Variants in VPS8 observed in about 807,000 individuals in gnomAD.
VPS8 encodes the protein VPS8 subunit of CORVET complex.
A neutral mutation model predicts 216.4 loss-of-function variants in VPS8; 129 were observed. That is an observed-to-expected ratio of 0.60 (90% confidence interval 0.52 to 0.69). VPS8 has a LOEUF of 0.69. Ranked by LOEUF, VPS8 falls within the 30% of genes least tolerant of loss-of-function variation. The pLI is 0.00. For synonymous variants in VPS8, 571 were observed against 565.4 expected (o/e 1.01, Z -0.14); for missense variants, 1,531 against 1,683.5 (o/e 0.91, Z 1.59).
chr3:185,008,476 A>G (rs1050674928), intron 45 of VPS8, among the ~76,000 whole-genome samples: 4 of 152,230 alleles, frequency 2.6e-5, no homozygotes, highest in Non-Finnish European at 5.9e-5. Flanking sequence ...AACAAGCATT[A>G]TATCAAATAT....
chr3:185,022,915 C>T (rs1756857132), intron 45 of VPS8, among the ~76,000 whole-genome samples: 1 of 151,976 alleles, frequency 6.6e-6, no homozygotes, highest in Non-Finnish European at 1.5e-5. Context: ...TCTTATTTTC[C>T]AATATAACAT....
intron 38 of VPS8, among the ~76,000 whole-genome samples, chr3:184,966,010 C>G (rs1747350483): frequency 6.6e-6 from 1 of 152,174 alleles, no homozygotes; most frequent in South Asian, 2.1e-4. Flanking sequence ...TTCTGTGTTG[C>G]TCTAGAGGAA....
chr3:185,008,473 A>G (rs569168583), intron 45 of VPS8, among the ~76,000 whole-genome samples: 3 of 152,328 alleles, frequency 2.0e-5, no homozygotes, highest in East Asian at 3.9e-4. Context: ...GTAAACAAGC[A>G]TTATATCAAA....
chr3:184,929,648 G>A lies in VPS8; in HGVS notation c.2783G>A (p.Arg928His), dbSNP rs867781635. 3.3e-6 allele frequency: 5 copies of A among 1,519,578 alleles called. No homozygotes were observed. Among genetic ancestry groups the A allele is most frequent in the Admixed American group, 2.2e-5 (1 of 45,404 alleles). 94.1% of individuals were successfully genotyped at this position (1,519,578 alleles called of 1,614,324 possible). Residue 928 changes from arginine to histidine, a missense_variant, in exon 33 of 48, where the codon CGT becomes CAT. Coordinates refer to ENST00000625842, the MANE Select transcript of VPS8 (RefSeq NM_001009921.3). ...QYDKIIDCYL[R>H]DPLREEEVFN... ...GATAAAATTATTGATTGCTACTTAC[G>A]TGACCCTCTGCGAGAGGTGAGTCAA... is the stretch of plus-strand genomic sequence containing the variant.
At chr3:184,928,333 A>T in intron 31 of VPS8, 118 bp from the exon 32 acceptor site, 4 of 874,690 alleles carry the variant, frequency 4.6e-6, no homozygotes, top group Non-Finnish European at 6.6e-6. Context: ...AAGCCAAAAT[A>T]TCATCAACTA....
chr3:184,944,449 C>T (rs937595459), intron 36 of VPS8: 3 of 964,220 alleles, frequency 3.1e-6, no homozygotes, highest in Middle Eastern at 5.2e-4. Flanking sequence ...TTGCTGCTGG[C>T]CATGAATTCT....
At position 184,971,652 on chromosome 3, in the gene VPS8, C is replaced by A. The variant is rs779240439; in HGVS notation, c.3320C>A (p.Thr1107Asn). ...LQEVTHQGEN[T>N]KEDPSLKDVE... ...TTTACACTTTTTCTAAATCTAGATA[C>A]CAAAGAGGATCCCTCATTGAAGGAT... is the stretch of plus-strand genomic sequence containing the variant. Residue 1107 changes from threonine to asparagine, a missense_variant, in exon 40 of 48, where the codon ACC (threonine) becomes AAC (asparagine). Thr to Asn is a moderately conservative substitution (Grantham distance 65). Coordinates refer to ENST00000625842, the MANE Select transcript of VPS8 (RefSeq NM_001009921.3). 1.9e-6 allele frequency: 3 copies of A among 1,608,886 alleles called. No individual in the cohort carries two copies. In the South Asian group the frequency reaches 3.3e-5, roughly 18 times the overall value.
intron 1 of VPS8, among the ~76,000 whole-genome samples, chr3:184,819,478 C>T (rs1717076733): frequency 6.6e-6 from 1 of 152,156 alleles, no homozygotes; most frequent in Non-Finnish European, 1.5e-5. Context: ...CATTATCAAC[C>T]TTTTACTGGG....
intron 36 of VPS8, among the ~76,000 whole-genome samples, chr3:184,951,346 G>A (rs771438756): frequency 4.6e-5 from 7 of 152,110 alleles, no homozygotes; most frequent in South Asian, 2.1e-4. Context: ...ATTAGCCAGC[G>A]TAGTGCCCCA....
At chr3:184,974,120 C>G (rs1748873208) in intron 40 of VPS8, among the ~76,000 whole-genome samples, 1 of 152,088 alleles carries the variant, frequency 6.6e-6, no homozygotes, top group African/African-American at 2.4e-5. Context: ...CTTCAGGAAC[C>G]CCCATACTGT....
chr3:185,008,175 G>T (rs139991198), intron 45 of VPS8, among the ~76,000 whole-genome samples: 181 of 152,234 alleles, frequency 1.2e-3, no homozygotes, highest in African/African-American at 4.1e-3. Context: ...ATATGTCTCA[G>T]AAGTACATAG....
chr3:184,824,629 A>G lies in VPS8; in HGVS notation c.-4A>G, dbSNP rs1336101951. ...TGGACTGAATACTGTTATTAGAAGT[A>G]AATATGGAAAATGAACCAGACCATG... On this transcript the variant is annotated 5_prime_UTR_variant, in exon 2 of 48. Transcript: ENST00000625842. 4 of 1,613,054 alleles carry G rather than the reference A, an allele frequency of 2.5e-6. No homozygotes were observed. In the African/African-American group the frequency reaches 5.3e-5, roughly 22 times the overall value.
At chr3:185,045,469 A>G (rs1037823200) in intron 46 of VPS8, among the ~76,000 whole-genome samples, 1 of 152,060 alleles carries the variant, frequency 6.6e-6, no homozygotes, top group Non-Finnish European at 1.5e-5. Context: ...AGAGCTTGAT[A>G]TGTTTGTTAA....
chr3:184,821,654 A>G (rs1273942399), intron 1 of VPS8, among the ~76,000 whole-genome samples: 1 of 151,952 alleles, frequency 6.6e-6, no homozygotes, highest in Non-Finnish European at 1.5e-5. Context: ...CCTGGCCTCT[A>G]CTTCGTTTTT....
At chr3:185,014,596 A>T (rs1755523767) in intron 45 of VPS8, among the ~76,000 whole-genome samples, 1 of 152,224 alleles carries the variant, frequency 6.6e-6, no homozygotes, top group African/African-American at 2.4e-5. Context: ...GATGCTGTTC[A>T]GCTGCTGATA....
chr3:184,842,186 C>CAAAAAAAAAAAAAAAAAAAAAAAAA (rs71162267), intron 7 of VPS8, among the ~76,000 whole-genome samples: 4 of 48,980 alleles, frequency 8.2e-5, no homozygotes, highest in Admixed American at 2.8e-4. Flanking sequence ...GACTCCGTCT[C>CAAAAAAAAAAAAAAAAAAAAAAAAA]AAAAAAAAAA....
intron 23 of VPS8, 26 bp downstream of exon 23, chr3:184,894,951 T>G: frequency 6.4e-7 from 1 of 1,551,310 alleles, no homozygotes; most frequent in Admixed American, 1.9e-5. Context: ...GTCTACTAAC[T>G]TATGAAATAA....
chr3:184,875,943 T>G (rs1729184681), intron 21 of VPS8, among the ~76,000 whole-genome samples: 1 of 151,204 alleles, frequency 6.6e-6, no homozygotes, highest in African/African-American at 2.4e-5. Flanking sequence ...TGAGCCAAGA[T>G]CACGGCACTG....
chr3:185,026,192 TAA>T (rs541184877), intron 46 of VPS8, among the ~76,000 whole-genome samples: 1 of 151,764 alleles, frequency 6.6e-6, no homozygotes, highest in East Asian at 1.9e-4. Context: ...GGAAAAATGA[TAA>T]AAAAAATAAT....
Sources: gnomAD v4.1 joint callset for allele counts (sites outside exome capture counted in the v4.1 genomes callset) on GRCh38, gnomAD v4.1.1 for gene constraint, MANE v1.5 for transcripts, NCBI Gene and HGNC (gene_info 2026-07-23, HGNC 2026-07-21) for gene names.